KCNH1: variants seen among roughly 807,000 people sequenced by gnomAD.
The protein encoded by KCNH1 is voltage-gated delayed rectifier potassium channel KCNH1.
KCNH1 carries 27 observed loss-of-function variants against 69.2 expected under a neutral mutation model. The ratio of observed to expected loss-of-function variants is 0.39; its 90% CI spans 0.29 to 0.54. The LOEUF is 0.54. KCNH1 is among the 20% of genes least tolerant of loss of function. The probability of loss-of-function intolerance (pLI) is 0.68; values close to 1 mark genes in which losing one functional copy is unlikely to be tolerated. For synonymous variants in KCNH1, 456 were observed against 487.7 expected, an observed-to-expected ratio of 0.93 and a Z score of 0.86; for missense variants, 798 against 1,261.6, an observed-to-expected ratio of 0.63 and a Z score of 5.57.
At chr1:211,115,975 AC>A (rs1199237486) in intron 1 of KCNH1, among the ~76,000 whole-genome samples, 1 of 151,750 alleles carries the variant, frequency 6.6e-6, no homozygotes, top group East Asian at 1.9e-4. Flanking sequence ...TCCAATAAAA[AC>A]TTTTTAAAAA....
chr1:210,892,234 C>G (rs1429814552), intron 7 of KCNH1, among the ~76,000 whole-genome samples: 1 of 151,920 alleles, frequency 6.6e-6, no homozygotes, highest in African/African-American at 2.4e-5. Flanking sequence ...AAAAAACAAC[C>G]CTTATATCCT....
Position 210,683,969 on chromosome 1 carries a change from A to G in KCNH1, c.2282T>C (p.Leu761Pro). 1 of 1,602,282 alleles carries G rather than the reference A, an allele frequency of 6.2e-7. No homozygotes were observed. Among genetic ancestry groups the G allele is most frequent in the Non-Finnish European group, 8.5e-7 (1 of 1,170,724 alleles). ...RLAAERGGRD[L>P]DDLDVEKGNV... Reference sequence around the variant, plus strand: ...GCCCTTCTCCACATCTAGGTCATCCAGGTCCCGGCCCCCTCTCTCAGCTGC... The same window carrying G: ...GCCCTTCTCCACATCTAGGTCATCCGGGTCCCGGCCCCCTCTCTCAGCTGC... Residue 761 changes from leucine to proline, a missense_variant, in exon 11 of 11, where the codon CTG (leucine) becomes CCG (proline). By Grantham distance (98) the Leu-to-Pro change is moderately conservative. Transcript: ENST00000271751. The surrounding 1 kb of genome is among the most constrained non-coding windows in gnomAD (Gnocchi z 5.7).
chr1:210,759,991 T>C lies in KCNH1; in HGVS notation c.2112+15357A>G, dbSNP rs968367088. ...GCCTCCTATCAGATCAGCAGTGGCA[T>C]TGGATTCTCATAGGAGTCTGAACCC... On this transcript the variant is annotated intron_variant, in intron 10 of 10. Transcript: ENST00000271751. Among the ~76,000 whole-genome samples the C allele has an allele frequency of 1.1e-4, 16 of 152,274 alleles. No individual in the cohort carries two copies. In the South Asian group the frequency reaches 1.9e-3, roughly 18 times the overall value.
chr1:210,951,695 T>G (rs573376753), intron 6 of KCNH1, among the ~76,000 whole-genome samples: 1 of 152,296 alleles, frequency 6.6e-6, no homozygotes, highest in South Asian at 2.1e-4. Context: ...TATTAAAATA[T>G]CAAACCCTTA....
chr1:210,821,155 C>CAAGG (rs1684919978), intron 7 of KCNH1, among the ~76,000 whole-genome samples: 1 of 152,112 alleles, frequency 6.6e-6, no homozygotes, highest in African/African-American at 2.4e-5. Flanking sequence ...CCTTGTTTTA[C>CAAGG]CTATAAACTG....
At chr1:210,933,508 T>TATA (rs1369344281) in intron 6 of KCNH1, among the ~76,000 whole-genome samples, 1 of 142,240 alleles carries the variant, frequency 7.0e-6, no homozygotes, top group South Asian at 2.4e-4. Context: ...AAACTTAAAG[T>TATA]ATAATAATAA....
chr1:210,817,439 T>C (rs1420595636), intron 7 of KCNH1, among the ~76,000 whole-genome samples: 1 of 152,174 alleles, frequency 6.6e-6, no homozygotes, highest in Non-Finnish European at 1.5e-5. Flanking sequence ...CATACATAAT[T>C]TATCTTAATG....
chr1:210,967,326 G>A (rs1011712276), intron 6 of KCNH1, among the ~76,000 whole-genome samples: 3 of 151,510 alleles, frequency 2.0e-5, no homozygotes, highest in Admixed American at 6.6e-5. Flanking sequence ...GTAAAATAAA[G>A]TAAAATACAA....
chr1:210,906,127 A>G (rs1309515487), intron 7 of KCNH1, among the ~76,000 whole-genome samples: 2 of 152,208 alleles, frequency 1.3e-5, no homozygotes, highest in African/African-American at 4.8e-5. Flanking sequence ...CTCTATTTTC[A>G]GCAGGGCTGG....
chr1:210,687,298 C>A (rs150594548), intron 10 of KCNH1, among the ~76,000 whole-genome samples: 6 of 152,316 alleles, frequency 3.9e-5, no homozygotes, highest in Middle Eastern at 3.4e-3. Flanking sequence ...CACCCAGAGG[C>A]CCCATGGGTC....
At chr1:210,917,207 C>G (rs1042450822) in intron 7 of KCNH1, among the ~76,000 whole-genome samples, 3 of 108,808 alleles carry the variant, frequency 2.8e-5, no homozygotes, top group Non-Finnish European at 5.5e-5. Context: ...AAGAAAGGGA[C>G]AGAGAGAGAG....
At chr1:210,967,859 AT>A (rs901428260) in intron 6 of KCNH1, among the ~76,000 whole-genome samples, 25 of 149,844 alleles carry the variant, frequency 1.7e-4, no homozygotes, top group South Asian at 4.3e-4. Flanking sequence ...CTTGTTCTCA[AT>A]TTTTTTTTCT....
At chr1:210,756,973 C>G (rs1333870124) in intron 10 of KCNH1, among the ~76,000 whole-genome samples, 1 of 152,194 alleles carries the variant, frequency 6.6e-6, no homozygotes, top group Admixed American at 6.5e-5. Flanking sequence ...AATTCAGATT[C>G]ACTGTTCTCA....
At chr1:210,856,877 C>CTATATATATATATATATGTATATATATA (rs1685857243) in intron 7 of KCNH1, among the ~76,000 whole-genome samples, 1 of 101,732 alleles carries the variant, frequency 9.8e-6, no homozygotes, top group African/African-American at 3.5e-5. Flanking sequence ...ATATAACCCA[C>CTATATATATATATATATGTATATATATA]TATATATATA....
rs1691488381 is a variant in KCNH1, at chr1:211,112,383, C to T, written c.80-5006G>A. ...GCCCCACCGTCTGGGAAGCAAGGAG[C>T]TCCTCTGCCCCGCCGCTGTGCAACT... is the stretch of plus-strand genomic sequence containing the variant. On this transcript the variant is annotated intron_variant, in intron 1 of 10. Transcript: ENST00000271751. 2.6e-5 allele frequency among the ~76,000 whole-genome samples: 4 copies of T among 151,082 alleles called. No individual in the cohort carries two copies. In the South Asian group the frequency reaches 8.4e-4, roughly 32 times the overall value.
intron 6 of KCNH1, among the ~76,000 whole-genome samples, chr1:210,983,878 G>A (rs562256646): frequency 5.3e-5 from 8 of 152,160 alleles, no homozygotes; most frequent in East Asian, 1.9e-4. Context: ...GGCCATTTTC[G>A]TGATATTGAT....
At chr1:210,742,510 G>T (rs1179612681) in intron 10 of KCNH1, among the ~76,000 whole-genome samples, 1 of 152,186 alleles carries the variant, frequency 6.6e-6, no homozygotes, top group African/African-American at 2.4e-5. Context: ...GCGTCTCTGG[G>T]ATTTCTCCTG....
At chr1:211,011,945 C>A (rs1341251525) in intron 6 of KCNH1, among the ~76,000 whole-genome samples, 1 of 152,210 alleles carries the variant, frequency 6.6e-6, no homozygotes. Flanking sequence ...GCGGCAACAT[C>A]ACAAACATCA....
chr1:210,860,674 G>A (rs1431555078), intron 7 of KCNH1: 10 of 776,000 alleles, frequency 1.3e-5, no homozygotes, highest in Non-Finnish European at 2.1e-5. Context: ...GATAAATGCT[G>A]TGATACATTC....
Sources: gnomAD v4.1 joint callset for allele counts (sites outside exome capture counted in the v4.1 genomes callset) on GRCh38, gnomAD v4.1.1 for gene constraint, Gnocchi (gnomAD v3.1) non-coding constraint, MANE v1.5 for transcripts, NCBI Gene and HGNC (gene_info 2026-07-23, HGNC 2026-07-21) for gene names.